SLC1A7: variants seen among roughly 807,000 people sequenced by gnomAD.
SLC1A7 encodes the protein solute carrier family 1 member 7.
Under a neutral mutation model 47.7 loss-of-function variants are expected in SLC1A7, and 40 were observed. The observed-to-expected ratio is 0.84, with a 90% CI of 0.65 to 1.09. The LOEUF (loss-of-function observed/expected upper bound fraction) is 1.09, where lower values mean the gene tolerates loss of function less well. Among genes scored for constraint, SLC1A7 ranks in the 50% least tolerant of loss-of-function variants. SLC1A7 has a pLI of 0.00. For missense variants in SLC1A7, 746 were observed against 769.5 expected (o/e 0.97, Z 0.36); for synonymous variants, 323 against 325.6 (o/e 0.99, Z 0.09).
At chr1:53,101,035 T>G (rs992364726) in intron 5 of SLC1A7, among the ~76,000 whole-genome samples, 7 of 150,460 alleles carry the variant, frequency 4.7e-5, no homozygotes. Flanking sequence ...ACACCCCACC[T>G]TGGTACATTC....
chr1:53,097,274 G>A (rs1288415), intron 5 of SLC1A7, among the ~76,000 whole-genome samples: 93,998 of 134,920 alleles, frequency 0.7, 33,206 homozygotes, highest in Non-Finnish European at 0.82. Flanking sequence ...CACACACCCC[G>A]CCTTGGTACA....
Position 53,087,753 on chromosome 1 carries a change from G to T in SLC1A7, c.*256C>A. 1 of 336,750 alleles carries T rather than the reference G, an allele frequency of 3.0e-6. No homozygotes were observed. Among genetic ancestry groups the T allele is most frequent in the East Asian group, 4.3e-5 (1 of 23,276 alleles). 20.9% of individuals were successfully genotyped at this position (336,750 alleles called of 1,614,324 possible). On this transcript the variant is annotated 3_prime_UTR_variant, in exon 11 of 11. Coordinates refer to ENST00000371494, the MANE Select transcript of SLC1A7 (RefSeq NM_006671.6). ...AACCCCTGCCTGCCGCCCTCACCGG[G>T]CTCACACCGGGGAAACTGTCACAGC...
intron 5 of SLC1A7, among the ~76,000 whole-genome samples, chr1:53,100,296 TCA>T (rs905483458): frequency 1.0e-4 from 15 of 147,808 alleles, no homozygotes; most frequent in Non-Finnish European, 1.3e-4. Context: ...CTTGGTACAC[TCA>T]CACACACCGC....
chr1:53,096,780 G>A (rs533862698), intron 5 of SLC1A7, among the ~76,000 whole-genome samples: 16 of 147,258 alleles, frequency 1.1e-4, no homozygotes, highest in African/African-American at 4.0e-4. Context: ...CACAGATACT[G>A]CCTCAGAACA....
At chr1:53,136,573 A>G (rs982194098) in intron 1 of SLC1A7, among the ~76,000 whole-genome samples, 1 of 145,250 alleles carries the variant, frequency 6.9e-6, no homozygotes, top group Non-Finnish European at 1.5e-5. Flanking sequence ...ATATAAACAT[A>G]TATAATATAT....
rs530002405 is a variant in SLC1A7, at chr1:53,104,657, A to G, written c.474+1075T>C. Among the ~76,000 whole-genome samples, 136 of 152,310 alleles carry G rather than the reference A, an allele frequency of 8.9e-4. 1 individual carries two copies. The South Asian group carries it at 0.013, about 15-fold the overall frequency. ...CTTCACAATCTGGCTTATTTCATGG[A>G]TGTCAGGAGAGACGCGGCGATATGC... is the stretch of plus-strand genomic sequence containing the variant. On this transcript the variant is annotated intron_variant, in intron 4 of 10. Coordinates refer to ENST00000371494, the MANE Select transcript of SLC1A7 (RefSeq NM_006671.6).
chr1:53,106,460 T>C (rs948410022), intron 3 of SLC1A7, among the ~76,000 whole-genome samples: 4 of 151,676 alleles, frequency 2.6e-5, no homozygotes, highest in South Asian at 2.1e-4. Flanking sequence ...AAAAATTAGC[T>C]GGGCACGGTG....
intron 1 of SLC1A7, among the ~76,000 whole-genome samples, chr1:53,140,052 T>G (rs1645041234): frequency 6.6e-6 from 1 of 152,250 alleles, no homozygotes; most frequent in African/African-American, 2.4e-5. Context: ...TGCATAAGCT[T>G]ACAAAACAAG....
chr1:53,103,406 C>T lies in SLC1A7; in HGVS notation c.637G>A (p.Glu213Lys), dbSNP rs12021744. ...TTCATGCCATCGCTGGTGCCCGGCT[C>T]TGACTTGTAAACGACCTCGGGCGGC... is the stretch of plus-strand genomic sequence containing the variant. ...TPPPEVVYKSEPGTSDGMNVL... is the reference protein window; with the variant it reads ...TPPPEVVYKSKPGTSDGMNVL... The change falls in exon 5 of 11, where the codon GAG (glutamate) becomes AAG (lysine). Residue 213 changes from glutamate to lysine, a missense_variant. Coordinates refer to ENST00000371494, the MANE Select transcript of SLC1A7 (RefSeq NM_006671.6). 1.2e-6 allele frequency: 2 copies of T among 1,611,562 alleles called. No homozygotes were observed. Among genetic ancestry groups the T allele is most frequent in the Admixed American group, 3.4e-5 (2 of 59,618 alleles).
chr1:53,090,351 C>T lies in SLC1A7; in HGVS notation c.1226+261G>A, dbSNP rs1185642022. On this transcript the variant is annotated intron_variant, in intron 8 of 10. Coordinates refer to ENST00000371494, the MANE Select transcript of SLC1A7 (RefSeq NM_006671.6). The stretch of plus-strand genomic sequence containing the variant: ...GTCAGCCTCAGCCGCATCCCAGCAC[C>T]CCTTCGTTGGCTCCTGCCACACGGG... 8.7e-6 allele frequency: 5 copies of T among 572,494 alleles called. No homozygotes were observed. In the East Asian group the frequency reaches 9.1e-5, roughly 10 times the overall value. 35.5% of individuals were successfully genotyped at this position (572,494 alleles called of 1,614,324 possible).
At chr1:53,122,048 G>C (rs1644832562) in intron 2 of SLC1A7, among the ~76,000 whole-genome samples, 3 of 152,072 alleles carry the variant, frequency 2.0e-5, no homozygotes, top group African/African-American at 7.2e-5. Context: ...GTGTGGTCCG[G>C]AGCGGAGCAG....
intron 1 of SLC1A7, among the ~76,000 whole-genome samples, chr1:53,139,093 C>T (rs567214009): frequency 1.7e-4 from 26 of 152,276 alleles, no homozygotes; most frequent in African/African-American, 4.6e-4. Flanking sequence ...TTTCTGGTGG[C>T]GTGGCTTTCT....
chr1:53,114,519 C>T (rs1644734180), intron 3 of SLC1A7: 2 of 569,742 alleles, frequency 3.5e-6, no homozygotes, highest in Non-Finnish European at 6.3e-6. Flanking sequence ...CAGATGTCTG[C>T]TCTGCGCCCA....
chr1:53,091,628 G>A (rs1480559273), intron 7 of SLC1A7, among the ~76,000 whole-genome samples: 2 of 152,242 alleles, frequency 1.3e-5, no homozygotes, highest in Non-Finnish European at 2.9e-5. Flanking sequence ...CCTGAATCCT[G>A]CAGGAGGTGC....
chr1:53,102,754 G>T (rs1644597855), intron 5 of SLC1A7: 1 of 152,750 alleles, frequency 6.5e-6, no homozygotes, highest in Non-Finnish European at 1.5e-5. Context: ...AGTGACGCGG[G>T]GTAGAAGGAA....
intron 5 of SLC1A7, among the ~76,000 whole-genome samples, chr1:53,100,503 T>TCA (rs914332871): frequency 2.7e-5 from 4 of 149,668 alleles, no homozygotes; most frequent in Admixed American, 6.6e-5. Context: ...CTCGGTACAT[T>TCA]CACACACACC....
chr1:53,124,000 G>A (rs1427803430), intron 2 of SLC1A7, among the ~76,000 whole-genome samples: 2 of 152,194 alleles, frequency 1.3e-5, no homozygotes, highest in Non-Finnish European at 2.9e-5. Context: ...TCCTGCTCAC[G>A]GCCTGTCCTG....
intron 2 of SLC1A7, among the ~76,000 whole-genome samples, chr1:53,134,107 A>C (rs980515399): frequency 3.3e-5 from 5 of 152,196 alleles, no homozygotes; most frequent in Admixed American, 1.3e-4. Flanking sequence ...GTCGGGTCAT[A>C]TCCGTTGATT....
intron 2 of SLC1A7, among the ~76,000 whole-genome samples, chr1:53,121,387 C>G (rs1644824059): frequency 6.6e-6 from 1 of 152,204 alleles, no homozygotes; most frequent in Non-Finnish European, 1.5e-5. Context: ...TGTTGTGTGT[C>G]TGTGTGACAT....
Sources: gnomAD v4.1 joint callset for allele counts (sites outside exome capture counted in the v4.1 genomes callset) on GRCh38, gnomAD v4.1.1 for gene constraint, MANE v1.5 for transcripts, NCBI Gene and HGNC (gene_info 2026-07-23, HGNC 2026-07-21) for gene names.